DTNA: variants seen among roughly 807,000 people sequenced by gnomAD.
The protein encoded by DTNA is dystrobrevin alpha, also known as dystrophin-related protein 3.
A neutral mutation model predicts 100.7 loss-of-function variants in DTNA; 43 were observed. That is an observed-to-expected ratio of 0.43 (90% CI 0.33 to 0.55). The LOEUF is 0.55. Among genes scored for constraint, DTNA ranks in the 20% least tolerant of loss-of-function variants. The probability of loss-of-function intolerance (pLI) is 0.04; values close to 1 mark genes in which losing one functional copy is unlikely to be tolerated. For missense variants in DTNA, 798 were observed against 953.9 expected (o/e 0.84, Z 2.15); for synonymous variants, 349 against 347.9 (o/e 1.00, Z -0.04).
intron 21 of DTNA, 113 bp from the exon 22 acceptor site, chr18:34,884,613 ACT>A (rs1270794738): frequency 3.0e-3 from 3,184 of 1,058,742 alleles, no homozygotes; most frequent in Non-Finnish European, 4.0e-3. Flanking sequence ...CACTCAATAG[ACT>A]CTCTCTCTCT....
intron 3 of DTNA, among the ~76,000 whole-genome samples, chr18:34,783,339 T>A (rs2148847564): frequency 6.6e-6 from 1 of 152,358 alleles, no homozygotes; most frequent in Non-Finnish European, 1.5e-5. Flanking sequence ...GCAATGGATG[T>A]ACTACCAGGG....
chr18:34,803,836 G>A (rs2095290285), intron 4 of DTNA, among the ~76,000 whole-genome samples: 1 of 152,110 alleles, frequency 6.6e-6, no homozygotes, highest in Non-Finnish European at 1.5e-5. Flanking sequence ...CTCACTGAGT[G>A]GATGGACACT....
intron 1 of DTNA, among the ~76,000 whole-genome samples, chr18:34,621,657 G>T (rs992713357): frequency 1.3e-5 from 2 of 152,122 alleles, no homozygotes; most frequent in Non-Finnish European, 2.9e-5. Context: ...TAGAATGGTG[G>T]TTACAAAGGG....
At chr18:34,570,207 A>C (rs1426833902) in intron 1 of DTNA, among the ~76,000 whole-genome samples, 1 of 152,150 alleles carries the variant, frequency 6.6e-6, no homozygotes, top group East Asian at 1.9e-4. Flanking sequence ...GAGTATAGTC[A>C]TTTAGGGAGT....
At chr18:34,780,238 G>A (rs775046681) in intron 3 of DTNA, among the ~76,000 whole-genome samples, 6 of 152,180 alleles carry the variant, frequency 3.9e-5, no homozygotes, top group Non-Finnish European at 5.9e-5. Flanking sequence ...GGTGAGGAGA[G>A]CATAGTACAA....
intron 4 of DTNA, among the ~76,000 whole-genome samples, chr18:34,796,671 G>A (rs1295173024): frequency 1.3e-5 from 2 of 152,124 alleles, no homozygotes; most frequent in Non-Finnish European, 2.9e-5. Flanking sequence ...CTCTGAAGAA[G>A]AGTTGCTAAA....
chr18:34,811,166 A>G (rs1336594555), intron 5 of DTNA, among the ~76,000 whole-genome samples: 4 of 152,226 alleles, frequency 2.6e-5, no homozygotes, highest in African/African-American at 9.6e-5. Flanking sequence ...TGATTTGCAC[A>G]GAGGAATTAT....
intron 1 of DTNA, among the ~76,000 whole-genome samples, chr18:34,735,752 C>T (rs2089436049): frequency 1.3e-5 from 2 of 152,096 alleles, no homozygotes; most frequent in Admixed American, 6.5e-5. Flanking sequence ...TAAACATGTG[C>T]CATTGTGGTT....
intron 1 of DTNA, among the ~76,000 whole-genome samples, chr18:34,669,037 C>T (rs563339647): frequency 3.9e-5 from 6 of 152,130 alleles, no homozygotes; most frequent in Non-Finnish European, 7.4e-5. Context: ...ATGAAAGTCT[C>T]CCATTATTAT....
chr18:34,504,764 T>C (rs2144713088), intron 1 of DTNA, among the ~76,000 whole-genome samples: 1 of 152,340 alleles, frequency 6.6e-6, no homozygotes, highest in East Asian at 1.9e-4. Flanking sequence ...TAAAACTTTT[T>C]TGTCTTTAAT....
At position 34,875,274 on chromosome 18, in the gene DTNA, C is replaced by T; in HGVS notation, c.1779C>T (p.Ser593=). 1.2e-6 allele frequency: 2 copies of T among 1,614,186 alleles called. No individual in the cohort carries two copies. The highest frequency in any genetic ancestry group is 1.7e-6 in the Non-Finnish European group (2 of 1,180,016). ...QGAGSPRSSP[S]HTISRPIPMP... ...CAGGCTCTCCCCGCTCCTCCCCCAGCCACACCATCAGCAGGCCAATTCCCA... is the reference window on the plus strand; with the variant it reads ...CAGGCTCTCCCCGCTCCTCCCCCAGTCACACCATCAGCAGGCCAATTCCCA... Residue 593 remains serine (S), a synonymous_variant, in exon 18 of 23, where the codon AGC becomes AGT. Coordinates refer to ENST00000444659, the MANE Select transcript of DTNA (RefSeq NM_001386795.1).
intron 1 of DTNA, among the ~76,000 whole-genome samples, chr18:34,517,058 A>G (rs1442374877): frequency 1.3e-5 from 2 of 152,128 alleles, no homozygotes; most frequent in Non-Finnish European, 2.9e-5. Flanking sequence ...GAACTAATAA[A>G]TGTCCATGAA....
At chr18:34,621,895 T>C (rs1051784650) in intron 1 of DTNA, among the ~76,000 whole-genome samples, 1 of 152,178 alleles carries the variant, frequency 6.6e-6, no homozygotes, top group Non-Finnish European at 1.5e-5. Flanking sequence ...AATGTATACA[T>C]ATTTCAAAAC....
Position 34,882,081 on chromosome 18 carries a change from T to C in DTNA, c.2175T>C (p.Asp725=). 1.9e-6 allele frequency: 3 copies of C among 1,614,160 alleles called. No individual in the cohort carries two copies. The highest frequency in any genetic ancestry group is 2.5e-6 in the Non-Finnish European group (3 of 1,180,000). The change falls in exon 21 of 23, where the codon GAT becomes GAC. Residue 725 remains aspartate (D), a synonymous_variant. Transcript: ENST00000444659. The part of the protein sequence containing the change: ...STMRGDMVTE[D]ADPYVQPEDE... ...GGTTTATTTTCAGGGTTACGGAGGATGCAGATCCCTATGTGCAGCCTGAAG... is the reference window on the plus strand; with the variant it reads ...GGTTTATTTTCAGGGTTACGGAGGACGCAGATCCCTATGTGCAGCCTGAAG...
At position 34,798,418 on chromosome 18, in the gene DTNA, G is replaced by GA. The variant is rs879568925; in HGVS notation, c.362+4178dup. Among the ~76,000 whole-genome samples the GA allele has an allele frequency of 8.8e-3, 1,290 of 147,014 alleles. 12 individuals carry two copies. Among genetic ancestry groups the GA allele is most frequent in the Non-Finnish European group, 0.012 (808 of 66,380 alleles). On this transcript the variant is annotated intron_variant, in intron 4 of 22. Transcript: ENST00000444659. ...CCTCTATTTTTACTTCTGCTCCACA[G>GA]AAAAAAAAAACAAGTGTTCATGGTT...
intron 8 of DTNA, 165 bp downstream of exon 8, chr18:34,818,495 T>C (rs2095642411): frequency 6.6e-7 from 1 of 1,513,694 alleles, no homozygotes; most frequent in Admixed American, 2.0e-5. Flanking sequence ...TGCGTGCTCT[T>C]ACTTATTCTG....
chr18:34,493,782 A>C (rs2038819187), intron 1 of DTNA: 1 of 148,682 alleles, frequency 6.7e-6, no homozygotes, highest in African/African-American at 2.4e-5. Context: ...GCACCGAGCA[A>C]AGTCAAGAGT....
intron 1 of DTNA, among the ~76,000 whole-genome samples, chr18:34,692,982 G>T (rs185127993): frequency 1.3e-5 from 2 of 152,194 alleles, no homozygotes; most frequent in African/African-American, 4.8e-5. Flanking sequence ...ACTTCTTAAA[G>T]AAGTACATAA....
At chr18:34,817,695 C>T (rs1291773926) in intron 7 of DTNA, among the ~76,000 whole-genome samples, 1 of 152,152 alleles carries the variant, frequency 6.6e-6, no homozygotes, top group Non-Finnish European at 1.5e-5. Flanking sequence ...TTTCCATTCT[C>T]TGCCCATCTT....
Sources: gnomAD v4.1 joint callset for allele counts (sites outside exome capture counted in the v4.1 genomes callset) on GRCh38, gnomAD v4.1.1 for gene constraint, MANE v1.5 for transcripts, NCBI Gene and HGNC (gene_info 2026-07-23, HGNC 2026-07-21) for gene names.